The following GPC5 variants were observed in gnomAD, a reference collection of about 807,000 sequenced individuals.
GPC5 encodes the protein glypican 5.
A neutral mutation model predicts 53.9 loss-of-function variants in GPC5; 47 were observed. The ratio of observed to expected loss-of-function variants is 0.87; its 90% CI spans 0.69 to 1.11. The LOEUF (loss-of-function observed/expected upper bound fraction) is 1.11. Ranked by LOEUF, GPC5 falls within the 50% of genes most tolerant of loss-of-function variation. GPC5 has a pLI of 0.00. For missense variants in GPC5, 748 were observed against 713.1 expected, an observed-to-expected ratio of 1.05 and a Z score of -0.56; for synonymous variants, 286 against 263.3, an observed-to-expected ratio of 1.09 and a Z score of -0.84.
chr13:91,480,657 G>A (rs1051399474), intron 2 of GPC5, among the ~76,000 whole-genome samples: 3 of 152,114 alleles, frequency 2.0e-5, no homozygotes, highest in African/African-American at 7.2e-5. Flanking sequence ...ATGGGAAACA[G>A]GATATTTAAG....
At chr13:91,846,532 C>T (rs1397468382) in intron 5 of GPC5, among the ~76,000 whole-genome samples, 1 of 151,782 alleles carries the variant, frequency 6.6e-6, no homozygotes, top group Non-Finnish European at 1.5e-5. Context: ...AGCTTTAGGG[C>T]TCCTAGATCC....
intron 3 of GPC5, among the ~76,000 whole-genome samples, chr13:91,718,699 T>G (rs549685135): frequency 6.6e-6 from 1 of 152,302 alleles, no homozygotes; most frequent in South Asian, 2.1e-4. Flanking sequence ...TCTACCCCCA[T>G]CTGCATACTC....
intron 2 of GPC5, among the ~76,000 whole-genome samples, chr13:91,568,197 A>G (rs183676995): frequency 4.0e-4 from 61 of 152,296 alleles, no homozygotes; most frequent in Admixed American, 3.5e-3. Context: ...CACTGTGAGA[A>G]TGGACTAATG....
intron 7 of GPC5, among the ~76,000 whole-genome samples, chr13:92,845,143 A>G (rs1412348965): frequency 6.6e-6 from 1 of 152,176 alleles, no homozygotes; most frequent in Non-Finnish European, 1.5e-5. Flanking sequence ...AGGGAAAAAA[A>G]AAAGATGCTT....
chr13:91,811,406 G>A (rs180679725), intron 5 of GPC5, among the ~76,000 whole-genome samples: 1 of 152,036 alleles, frequency 6.6e-6, no homozygotes, highest in Admixed American at 6.6e-5. Context: ...TTAGGTTTAT[G>A]TTCATTTGAA....
intron 6 of GPC5, among the ~76,000 whole-genome samples, chr13:92,068,292 T>C (rs1361484608): frequency 6.6e-6 from 1 of 151,830 alleles, no homozygotes; most frequent in East Asian, 1.9e-4. Context: ...TGATTCTAAA[T>C]GATATATTTA....
chr13:92,110,153 A>G (rs1440273739), intron 6 of GPC5, among the ~76,000 whole-genome samples: 1 of 152,148 alleles, frequency 6.6e-6, no homozygotes, highest in Admixed American at 6.5e-5. Context: ...TGAGATTTGA[A>G]GAATAGGGAA....
rs188039210 is a variant in GPC5 at position 92,456,098 on chromosome 13, T to C, written c.1561+311109T>C. ...AATAATTGTTGCACATTTTACACTATGTAACTACTGACTATATTATCCTGA... is the reference window on the plus strand; with the variant it reads ...AATAATTGTTGCACATTTTACACTACGTAACTACTGACTATATTATCCTGA... On this transcript the variant is annotated intron_variant, in intron 7 of 7. Coordinates refer to ENST00000377067, the MANE Select transcript of GPC5 (RefSeq NM_004466.6). 9.2e-5 allele frequency among the ~76,000 whole-genome samples: 14 copies of C among 152,358 alleles called. No homozygotes were observed. In the East Asian group the frequency reaches 2.7e-3, roughly 29 times the overall value.
chr13:91,405,278 G>A (rs1180969626), intron 1 of GPC5, among the ~76,000 whole-genome samples: 1 of 152,132 alleles, frequency 6.6e-6, no homozygotes, highest in East Asian at 1.9e-4. Flanking sequence ...ATTGTAGAAT[G>A]TTCAGAAGCA....
intron 7 of GPC5, among the ~76,000 whole-genome samples, chr13:92,586,302 A>G (rs1162814742): frequency 6.6e-6 from 1 of 152,250 alleles, no homozygotes; most frequent in Non-Finnish European, 1.5e-5. Flanking sequence ...TGCATAAGGC[A>G]TAGCATGTGC....
At position 92,284,922 on chromosome 13, in the gene GPC5, T is replaced by C. The variant is rs370218378; in HGVS notation, c.1561+139933T>C. On this transcript the variant is annotated intron_variant, in intron 7 of 7. Transcript: ENST00000377067. ...TCAGGCAGGAGAAATAAATAAAGGG[T>C]ATTCAATTAGGAAAAGAGGAAGTCA... Among the ~76,000 whole-genome samples the C allele has an allele frequency of 1.0e-3, 156 of 152,152 alleles. 1 individual carries two copies. Among genetic ancestry groups the C allele is most frequent in the African/African-American group, 3.5e-3 (146 of 41,516 alleles).
At chr13:92,382,913 G>A (rs1460527087) in intron 7 of GPC5, among the ~76,000 whole-genome samples, 2 of 148,094 alleles carry the variant, frequency 1.4e-5, no homozygotes, top group Non-Finnish European at 3.0e-5. Flanking sequence ...TGAGGCAGGA[G>A]AATAGCGCGA....
At chr13:92,832,338 A>C (rs1878074344) in intron 7 of GPC5, among the ~76,000 whole-genome samples, 1 of 152,232 alleles carries the variant, frequency 6.6e-6, no homozygotes, top group Non-Finnish European at 1.5e-5. Context: ...TTGGGCATCC[A>C]TAAAGATGGA....
chr13:91,907,049 T>C (rs1014954824), intron 5 of GPC5, among the ~76,000 whole-genome samples: 1 of 148,628 alleles, frequency 6.7e-6, no homozygotes, highest in African/African-American at 2.5e-5. Context: ...GAGTAAAGAA[T>C]AACATAACAG....
intron 7 of GPC5, among the ~76,000 whole-genome samples, chr13:92,320,615 G>A (rs780164795): frequency 6.6e-6 from 1 of 152,076 alleles, no homozygotes; most frequent in Non-Finnish European, 1.5e-5. Context: ...TTTGTTGGAT[G>A]CCTTATTTCT....
chr13:92,502,940 A>G (rs1278601128), intron 7 of GPC5, among the ~76,000 whole-genome samples: 1 of 152,014 alleles, frequency 6.6e-6, no homozygotes, highest in Admixed American at 6.6e-5. Flanking sequence ...CATATTCTGG[A>G]TTCTAAAGCA....
intron 7 of GPC5, among the ~76,000 whole-genome samples, chr13:92,533,217 T>C (rs1881620188): frequency 6.6e-6 from 1 of 152,158 alleles, no homozygotes; most frequent in Non-Finnish European, 1.5e-5. Context: ...ATGGTGAAAA[T>C]ACATGTACAA....
chr13:92,547,112 G>A (rs1882145305), intron 7 of GPC5, among the ~76,000 whole-genome samples: 1 of 152,070 alleles, frequency 6.6e-6, no homozygotes, highest in South Asian at 2.1e-4. Context: ...ATGATTCTAG[G>A]TGCATTCACA....
intron 1 of GPC5, among the ~76,000 whole-genome samples, chr13:91,436,157 T>C (rs998330958): frequency 6.6e-6 from 1 of 152,190 alleles, no homozygotes; most frequent in Non-Finnish European, 1.5e-5. Flanking sequence ...TCATTGATTT[T>C]TTGAAGGGTT....
Sources: allele counts gnomAD v4.1 joint callset (sites outside exome capture counted in the v4.1 genomes callset), GRCh38; gene constraint gnomAD v4.1.1; transcripts MANE v1.5; gene names NCBI Gene and HGNC (gene_info 2026-07-23, HGNC 2026-07-21).